The following NPAS3 variants were observed in gnomAD, a reference collection of about 807,000 sequenced individuals.
The protein encoded by NPAS3 is neuronal PAS domain-containing protein 3.
In NPAS3, 14 loss-of-function variants were observed where a neutral mutation model predicts 73.1. That is an observed-to-expected ratio of 0.19 (90% CI 0.13 to 0.30). The LOEUF (loss-of-function observed/expected upper bound fraction) is 0.30, where lower values mean the gene tolerates loss of function less well. Among genes scored for constraint, NPAS3 ranks in the 10% least tolerant of loss-of-function variants. NPAS3 has a pLI of 1.00. For missense variants in NPAS3, 1,096 were observed against 1,250.0 expected, an observed-to-expected ratio of 0.88 and a Z score of 1.86; for synonymous variants, 620 against 541.5, an observed-to-expected ratio of 1.14 and a Z score of -2.01.
chr14:33,428,445 T>C (rs1227196625), intron 4 of NPAS3, among the ~76,000 whole-genome samples: 1 of 152,146 alleles, frequency 6.6e-6, no homozygotes, highest in African/African-American at 2.4e-5. Flanking sequence ...TTTATAGATG[T>C]ATATAAATCC....
chr14:33,141,725 G>T (rs527757012), intron 2 of NPAS3, among the ~76,000 whole-genome samples: 1 of 152,114 alleles, frequency 6.6e-6, no homozygotes, highest in Admixed American at 6.5e-5. Flanking sequence ...AAATATACTC[G>T]TGATGCACAT....
At chr14:33,742,391 A>G (rs2140696842) in intron 7 of NPAS3, among the ~76,000 whole-genome samples, 1 of 152,332 alleles carries the variant, frequency 6.6e-6, no homozygotes, top group East Asian at 1.9e-4. Context: ...GTGGGAATAA[A>G]TGAGTCACAT....
At chr14:33,304,752 T>G (rs1050492762) in intron 3 of NPAS3, among the ~76,000 whole-genome samples, 24 of 152,238 alleles carry the variant, frequency 1.6e-4, no homozygotes, top group African/African-American at 5.5e-4. Context: ...TACTCTAAAA[T>G]TTTGTGTATG....
At chr14:33,703,634 C>T (rs551102313) in intron 6 of NPAS3, among the ~76,000 whole-genome samples, 2 of 151,970 alleles carry the variant, frequency 1.3e-5, no homozygotes, top group Non-Finnish European at 2.9e-5. Context: ...TTAAAATCTA[C>T]AACTATCATG....
chr14:33,066,718 G>A (rs17536192), intron 2 of NPAS3, among the ~76,000 whole-genome samples: 43,030 of 151,928 alleles, frequency 0.28, 6,403 homozygotes, highest in Middle Eastern at 0.34. Context: ...TTATTCTGCC[G>A]TCAAAAGGAA....
chr14:33,054,784 T>C (rs1044419504), intron 1 of NPAS3, among the ~76,000 whole-genome samples: 3 of 152,040 alleles, frequency 2.0e-5, no homozygotes, highest in Non-Finnish European at 2.9e-5. Context: ...GGCTAATTTT[T>C]TGTATTTTTA....
At chr14:33,121,497 G>A (rs569046752) in intron 2 of NPAS3, among the ~76,000 whole-genome samples, 1 of 152,238 alleles carries the variant, frequency 6.6e-6, no homozygotes, top group South Asian at 2.1e-4. Context: ...TATAATCCCA[G>A]CACCTGGGAA....
chr14:33,265,013 C>T (rs563577230), intron 3 of NPAS3, among the ~76,000 whole-genome samples: 1 of 152,308 alleles, frequency 6.6e-6, no homozygotes, highest in South Asian at 2.1e-4. Context: ...GAAAGGCAGG[C>T]ACAGAGTGAG....
chr14:33,408,098 C>T (rs987573438), intron 4 of NPAS3, among the ~76,000 whole-genome samples: 1 of 152,096 alleles, frequency 6.6e-6, no homozygotes, highest in African/African-American at 2.4e-5. Context: ...CAATTCTTAG[C>T]ACAGTTTGAA....
intron 2 of NPAS3, among the ~76,000 whole-genome samples, chr14:33,111,803 C>T (rs2042903421): frequency 1.4e-5 from 2 of 147,548 alleles, no homozygotes; most frequent in Admixed American, 6.8e-5. Flanking sequence ...TAATGCTATC[C>T]CTCCCCCCTC....
Position 33,568,166 on chromosome 14 carries a change from G to A in NPAS3, c.558+7956G>A, listed in dbSNP as rs557179493. 1.6e-3 allele frequency among the ~76,000 whole-genome samples: 244 copies of A among 152,228 alleles called. 2 individuals carry two copies. Among genetic ancestry groups the A allele is most frequent in the Admixed American group, 5.9e-3 (90 of 15,282 alleles). On this transcript the variant is annotated intron_variant, in intron 5 of 11. Transcript: ENST00000356141. ...GGAGCTAGTTCATTTTATTTGTGTGGATTAAACAGTATTTTCAGATTCATT... is the reference window on the plus strand; with the variant it reads ...GGAGCTAGTTCATTTTATTTGTGTGAATTAAACAGTATTTTCAGATTCATT...
intron 4 of NPAS3, among the ~76,000 whole-genome samples, chr14:33,431,448 T>G (rs1393194614): frequency 6.6e-6 from 1 of 152,158 alleles, no homozygotes; most frequent in African/African-American, 2.4e-5. Flanking sequence ...TTTGTTTTAT[T>G]TCATGCTATT....
chr14:33,758,453 A>C (rs575636609), intron 7 of NPAS3, among the ~76,000 whole-genome samples: 1 of 152,306 alleles, frequency 6.6e-6, no homozygotes, highest in African/African-American at 2.4e-5. Flanking sequence ...CAATGTGTGC[A>C]ACTCCTGGAC....
intron 7 of NPAS3, among the ~76,000 whole-genome samples, chr14:33,765,720 T>C (rs773349558): frequency 2.6e-5 from 4 of 152,220 alleles, no homozygotes; most frequent in Non-Finnish European, 4.4e-5. Context: ...TAGAAGGCAG[T>C]CTGTGATGTG....
chr14:33,554,661 G>A (rs1241434121), intron 4 of NPAS3, among the ~76,000 whole-genome samples: 1 of 152,070 alleles, frequency 6.6e-6, no homozygotes, highest in Non-Finnish European at 1.5e-5. Flanking sequence ...CTTCTGTACT[G>A]GAATGTCAAA....
At chr14:33,765,174 G>T (rs1448513839) in intron 7 of NPAS3, among the ~76,000 whole-genome samples, 1 of 152,128 alleles carries the variant, frequency 6.6e-6, no homozygotes, top group Admixed American at 6.5e-5. Flanking sequence ...AAGAGAGATG[G>T]ATGGGAAATA....
intron 2 of NPAS3, among the ~76,000 whole-genome samples, chr14:33,153,877 T>G (rs1430763163): frequency 1.3e-5 from 2 of 152,180 alleles, no homozygotes; most frequent in Non-Finnish European, 2.9e-5. Context: ...TAAATTGCTG[T>G]TAATCCATCT....
intron 6 of NPAS3, among the ~76,000 whole-genome samples, chr14:33,695,283 G>A (rs1186335189): frequency 6.6e-6 from 1 of 152,162 alleles, no homozygotes; most frequent in Non-Finnish European, 1.5e-5. Flanking sequence ...TGACTTTTAA[G>A]GTTGTTACCC....
chr14:33,263,910 T>C (rs1023260869), intron 3 of NPAS3, among the ~76,000 whole-genome samples: 2 of 152,168 alleles, frequency 1.3e-5, no homozygotes, highest in Non-Finnish European at 1.5e-5. Context: ...GACCCAGCCA[T>C]CCCATTACTG....
Sources: allele counts gnomAD v4.1 joint callset (sites outside exome capture counted in the v4.1 genomes callset), GRCh38; gene constraint gnomAD v4.1.1; transcripts MANE v1.5; gene names NCBI Gene and HGNC (gene_info 2026-07-23, HGNC 2026-07-21).